The following NOS1 variants were observed in gnomAD, a reference collection of about 807,000 sequenced individuals.
NOS1 encodes the protein nitric oxide synthase 1.
Under a neutral mutation model 164.5 loss-of-function variants are expected in NOS1, and 51 were observed. The observed-to-expected ratio is 0.31, with a 90% confidence interval of 0.25 to 0.39. NOS1 has a LOEUF of 0.39. NOS1 is among the 10% of genes least tolerant of loss of function. The pLI is 1.00. For missense variants in NOS1, 1,362 were observed against 1,885.6 expected, an observed-to-expected ratio of 0.72 and a Z score of 5.14; for synonymous variants, 719 against 745.8, an observed-to-expected ratio of 0.96 and a Z score of 0.59.
At chr12:117,322,304 C>A (rs1874996759) in intron 2 of NOS1, among the ~76,000 whole-genome samples, 1 of 127,242 alleles carries the variant, frequency 7.9e-6, no homozygotes, top group Non-Finnish European at 1.7e-5. Context: ...TCCTTCCCTC[C>A]CTCTGTCCCT....
In NOS1 at chr12:117,212,543, C is replaced by A; in HGVS notation, c.*2766G>T. On this transcript the variant is annotated 3_prime_UTR_variant, in exon 29 of 29. Transcript: ENST00000317775. Reference sequence around the variant, plus strand: ...AGTGATGGCAGGTGAGCATGATGTTCCGGTGTTCCTATTTCAGGAGACGTC... The same window carrying A: ...AGTGATGGCAGGTGAGCATGATGTTACGGTGTTCCTATTTCAGGAGACGTC... The A allele has an allele frequency of 1.0e-6, 1 of 985,432 alleles. No homozygotes were observed. The highest frequency in any genetic ancestry group is 1.2e-6 in the Non-Finnish European group (1 of 829,942). 61.0% of individuals were successfully genotyped at this position (985,432 alleles called of 1,614,324 possible). A position where few individuals can be genotyped will look rare whatever the true frequency, so the allele number is the denominator to read the frequency against.
At chr12:117,315,011 C>T (rs2136058590) in intron 2 of NOS1, among the ~76,000 whole-genome samples, 1 of 152,262 alleles carries the variant, frequency 6.6e-6, no homozygotes, top group Middle Eastern at 3.4e-3. Flanking sequence ...AAATTATAAG[C>T]TACAATTACC....
chr12:117,221,130 TTTTATTTA>T (rs200373619), intron 26 of NOS1, among the ~76,000 whole-genome samples: 2,232 of 146,106 alleles, frequency 0.015, 22 homozygotes, highest in East Asian at 0.059. Flanking sequence ...TTAAATTTAT[TTTTATTTA>T]TTTATTTATT....
At chr12:117,299,857 TATC>T (rs1873696431) in intron 3 of NOS1, among the ~76,000 whole-genome samples, 1 of 152,030 alleles carries the variant, frequency 6.6e-6, no homozygotes. Flanking sequence ...ATTGCAGTGA[TATC>T]ATAGTATAGC....
chr12:117,323,517 C>T (rs1190403586), intron 2 of NOS1, among the ~76,000 whole-genome samples: 1 of 152,212 alleles, frequency 6.6e-6, no homozygotes, highest in African/African-American at 2.4e-5. Flanking sequence ...AGTGACCATA[C>T]CTCTCTGAGC....
intron 3 of NOS1, among the ~76,000 whole-genome samples, chr12:117,297,644 G>A (rs1873512370): frequency 6.6e-6 from 1 of 152,076 alleles, no homozygotes; most frequent in African/African-American, 2.4e-5. Context: ...GCCTGCCTTG[G>A]CCTCCCAAAG....
At chr12:117,329,309 TG>T (rs1427253393) in intron 2 of NOS1, among the ~76,000 whole-genome samples, 1 of 152,130 alleles carries the variant, frequency 6.6e-6, no homozygotes, top group Non-Finnish European at 1.5e-5. Context: ...TGCAGGGGTC[TG>T]GGGAGCTACC....
chr12:117,272,607 G>C lies in NOS1; in HGVS notation c.1665-48C>G. ...GCTCACCCGGAGCAGGTGTCTCATG[G>C]GCGGGACAGCTTGAATCTAGAGATG... On this transcript the variant is annotated intron_variant, in intron 9 of 28. Coordinates refer to ENST00000317775, the MANE Select transcript of NOS1 (RefSeq NM_000620.5). The surrounding 1 kb of genome is among the most constrained non-coding windows in gnomAD (Gnocchi z 4.3). 6.4e-7 allele frequency: 1 copy of C among 1,566,322 alleles called. No individual in the cohort carries two copies. Among genetic ancestry groups the C allele is most frequent in the Non-Finnish European group, 8.7e-7 (1 of 1,148,562 alleles).
intron 10 of NOS1, among the ~76,000 whole-genome samples, chr12:117,270,173 A>G (rs1566050736): frequency 6.6e-6 from 1 of 152,270 alleles, no homozygotes; most frequent in Non-Finnish European, 1.5e-5. Flanking sequence ...TGCATTAATT[A>G]AAGCCCTGCT....
At chr12:117,342,336 T>G (rs989229371) in intron 1 of NOS1, among the ~76,000 whole-genome samples, 5 of 151,960 alleles carry the variant, frequency 3.3e-5, no homozygotes, top group African/African-American at 1.2e-4. Context: ...ATATTAGTGA[T>G]AAAAACAATG....
At chr12:117,285,412 G>T in intron 6 of NOS1, 80 bp from the exon 7 acceptor site, 2 of 865,982 alleles carry the variant, frequency 2.3e-6, no homozygotes, top group Non-Finnish European at 3.6e-6. Flanking sequence ...CATTTTAGGA[G>T]AACCCAGATC....
At chr12:117,228,783 T>A (rs1208563674) in intron 22 of NOS1, among the ~76,000 whole-genome samples, 3 of 152,176 alleles carry the variant, frequency 2.0e-5, no homozygotes, top group African/African-American at 7.2e-5. Context: ...TAAACTTTTT[T>A]AAATTTATTT....
rs749023159 is a variant in NOS1 at position 117,226,716 on chromosome 12, T to C, written c.3671A>G (p.Gln1224Arg). ...GAAACAGGGGACCAGTTCGTCAGCCTGTATCCGGTTGAGCCAGGAGGAGCA... is the reference window on the plus strand; with the variant it reads ...GAAACAGGGGACCAGTTCGTCAGCCCGTATCCGGTTGAGCCAGGAGGAGCA... ...GVCSSWLNRIQADELVPCFVR... is the reference protein window; with the variant it reads ...GVCSSWLNRIRADELVPCFVR... The change falls in exon 24 of 29, where the codon CAG becomes CGG. Residue 1224 changes from glutamine to arginine, a missense_variant. Coordinates refer to ENST00000317775, the MANE Select transcript of NOS1 (RefSeq NM_000620.5). The C allele has an allele frequency of 5.6e-6, 9 of 1,614,070 alleles. No individual in the cohort carries two copies. Among genetic ancestry groups the C allele is most frequent in the Non-Finnish European group, 1.7e-6 (2 of 1,179,952 alleles).
intron 20 of NOS1, among the ~76,000 whole-genome samples, chr12:117,240,182 G>A (rs1216940776): frequency 6.6e-6 from 1 of 152,166 alleles, no homozygotes; most frequent in Non-Finnish European, 1.5e-5. Context: ...TAAGTAGTGA[G>A]AAATATATTT....
In NOS1 at chr12:117,227,469, A is replaced by G. The variant is rs768108334; in HGVS notation, c.3578T>C (p.Val1193Ala). 6.2e-7 allele frequency: 1 copy of G among 1,613,618 alleles called. No homozygotes were observed. Among genetic ancestry groups the G allele is most frequent in the African/African-American group, 1.3e-5 (1 of 74,914 alleles). Residue 1193 changes from valine to alanine, a missense_variant, in exon 23 of 29, where the codon GTG becomes GCG. Physicochemically the swap from Val to Ala is moderately conservative, Grantham distance 64. Around this residue, in one of 4 missense-constraint regions of NOS1, gnomAD observed 737 missense variants for 1,030.3 expected, o/e 0.72. Coordinates refer to ENST00000317775, the MANE Select transcript of NOS1 (RefSeq NM_000620.5). ...SSSPDMYPDE[V>A]HLTVAIVSYR... is the part of the protein sequence containing the mutation. ...GGAAACGATGGCCACAGTGAGGTGC[A>G]CTTCATCAGGGTACATGTCTGGGGA...
At chr12:117,322,681 TCTTCCTTC>T (rs58277123) in intron 2 of NOS1, among the ~76,000 whole-genome samples, 3 of 110,854 alleles carry the variant, frequency 2.7e-5, no homozygotes, top group East Asian at 3.2e-4. Flanking sequence ...CTGCTTCCTT[TCTTCCTTC>T]CTTCCTTCCC....
chr12:117,290,014 G>T (rs1317267318), intron 4 of NOS1, among the ~76,000 whole-genome samples: 2 of 152,166 alleles, frequency 1.3e-5, no homozygotes, highest in African/African-American at 2.4e-5. Context: ...GCTGCTTGTT[G>T]TTAGAAGGGA....
At chr12:117,341,701 G>T (rs1325633595) in intron 1 of NOS1, among the ~76,000 whole-genome samples, 1 of 152,142 alleles carries the variant, frequency 6.6e-6, no homozygotes, top group Non-Finnish European at 1.5e-5. Context: ...AATGCTGTGT[G>T]GGGGTCAAAG....
chr12:117,306,229 A>C (rs1874139327), intron 3 of NOS1, among the ~76,000 whole-genome samples: 1 of 152,096 alleles, frequency 6.6e-6, no homozygotes, highest in African/African-American at 2.4e-5. Context: ...ACTGCTCGGC[A>C]CACTTACTTC....
Sources: allele counts gnomAD v4.1 joint callset (sites outside exome capture counted in the v4.1 genomes callset), GRCh38; gene constraint gnomAD v4.1.1; regional missense constraint gnomAD v4.1.1; non-coding constraint Gnocchi (gnomAD v3.1); transcripts MANE v1.5; gene names NCBI Gene and HGNC (gene_info 2026-07-23, HGNC 2026-07-21).